STRADA: variants seen among roughly 807,000 people sequenced by gnomAD.
STRADA encodes STE20-related kinase adapter protein alpha.
A neutral mutation model predicts 55.0 loss-of-function variants in STRADA; 26 were observed. The observed-to-expected ratio is 0.47, with a 90% CI of 0.35 to 0.66. The LOEUF is 0.66. Among genes scored for constraint, STRADA ranks in the 30% least tolerant of loss-of-function variants. The probability of loss-of-function intolerance (pLI) is 0.01; values close to 1 mark genes in which losing one functional copy is unlikely to be tolerated. For synonymous variants in STRADA, 197 were observed against 210.9 expected, an observed-to-expected ratio of 0.93 and a Z score of 0.57; for missense variants, 443 against 549.7, an observed-to-expected ratio of 0.81 and a Z score of 1.94.
intron 9 of STRADA, 92 bp from the exon 10 acceptor site, chr17:63,706,831 C>T: frequency 1.0e-6 from 1 of 964,360 alleles, no homozygotes; most frequent in Non-Finnish European, 1.6e-6. Flanking sequence ...GATGGCTGTC[C>T]CCACATCAGG....
chr17:63,705,165 C>G (rs2036000770), intron 10 of STRADA: 3 of 570,396 alleles, frequency 5.3e-6, no homozygotes, highest in African/African-American at 1.9e-5. Context: ...ACCGCATAAG[C>G]TGTCCAAGCC....
chr17:63,703,428 G>T lies in STRADA; in HGVS notation c.*171C>A, dbSNP rs527467939. 19 of 653,198 alleles carry T rather than the reference G, an allele frequency of 2.9e-5. No individual in the cohort carries two copies. The highest frequency in any genetic ancestry group is 4.1e-5 in the Non-Finnish European group (16 of 386,324). 40.5% of individuals were successfully genotyped at this position (653,198 alleles called of 1,614,324 possible). On this transcript the variant is annotated 3_prime_UTR_variant, in exon 13 of 13. Coordinates refer to ENST00000336174, the MANE Select transcript of STRADA (RefSeq NM_001003787.4). ...TGTGTCTCAAAAGCCTTGGAGCAGT[G>T]AAGTGTCTCTCCAGGATTTTCTTTC...
intron 3 of STRADA, chr17:63,723,783 T>C (rs1318820153): frequency 6.5e-6 from 1 of 154,492 alleles, no homozygotes; most frequent in Non-Finnish European, 1.4e-5. Flanking sequence ...AGTTTTAAAA[T>C]AGCAACACGT....
rs1387082356 is a variant in STRADA, at chr17:63,704,396, A to C, written c.1045T>G (p.Ser349Ala). The change falls in exon 11 of 13, where the codon TCC becomes GCC. Residue 349 changes from serine (S) to alanine (A), a missense_variant. By Grantham distance (99) the Ser-to-Ala change is moderately conservative. Transcript: ENST00000336174. Reference sequence around the variant, plus strand: ...TCCACAAAGTGGTGGAAGTGGGGGGAGAAGGTTCGGTGGTAGGGGTGGGAG... The same window carrying C: ...TCCACAAAGTGGTGGAAGTGGGGGGCGAAGGTTCGGTGGTAGGGGTGGGAG... Reference protein sequence around the residue: ...SPSHPYHRTFSPHFHHFVEQC... With the variant: ...SPSHPYHRTFAPHFHHFVEQC... 10 of 1,608,774 alleles carry C rather than the reference A, an allele frequency of 6.2e-6. No individual in the cohort carries two copies. In the Admixed American group the frequency reaches 1.7e-4, roughly 27 times the overall value.
At chr17:63,735,959 C>T (rs1490753126) in intron 1 of STRADA, among the ~76,000 whole-genome samples, 2 of 151,798 alleles carry the variant, frequency 1.3e-5, no homozygotes, top group Non-Finnish European at 2.9e-5. Flanking sequence ...TTTTTTGAGA[C>T]GGAGTCTGGC....
chr17:63,723,448 C>T lies in STRADA; in HGVS notation c.95-122G>A. On this transcript the variant is annotated intron_variant, in intron 3 of 12. Coordinates refer to ENST00000336174, the MANE Select transcript of STRADA (RefSeq NM_001003787.4). ...AATAGAAACCACTTAAAAGTCATTA[C>T]AGCAAAAAGTGCCTGCGGGGCTACA... The T allele has an allele frequency of 2.5e-6, 3 of 1,181,044 alleles. No homozygotes were observed. The South Asian group carries it at 3.8e-5, about 15-fold the overall frequency. The allele number at this position is 1,181,044 out of a possible 1,614,324, so 73.2% of individuals were successfully genotyped here.
Position 63,713,496 on chromosome 17 carries a change from A to G in STRADA, c.258T>C (p.Asn86=). 1.9e-6 allele frequency: 3 copies of G among 1,614,182 alleles called. No individual in the cohort carries two copies. In the South Asian group the frequency reaches 3.3e-5, roughly 18 times the overall value. Residue 86 remains asparagine, a synonymous_variant, in exon 6 of 13, where the codon AAT becomes AAC. Transcript: ENST00000336174. The part of the protein sequence containing the change: ...GKGFEDLMTV[N]LARYKPTGEY... ...CTCCTGTTGGTTTGTACCTTGCTAG[A>G]TTCACAGTCATCAGGTCCTCAAATC... is the stretch of plus-strand genomic sequence containing the variant.
Position 63,706,661 on chromosome 17 carries a change from G to A in STRADA, c.832C>T (p.Pro278Ser), listed in dbSNP as rs980837225. ...TGGGTGGCAGGCATATCCTTAAAGG[G>A]GACATGGCCGTTGGCCAGTTCACAG... ...TACELANGHV[P>S]FKDMPATQML... The change falls in exon 10 of 13, where the codon CCC (proline) becomes TCC (serine). Residue 278 changes from proline to serine, a missense_variant. Pro to Ser is a moderately conservative substitution (Grantham distance 74). Transcript: ENST00000336174. The A allele has an allele frequency of 6.2e-7, 1 of 1,613,942 alleles. No homozygotes were observed. Among genetic ancestry groups the A allele is most frequent in the Non-Finnish European group, 8.5e-7 (1 of 1,179,842 alleles).
At chr17:63,715,871 T>A (rs2036838978) in intron 4 of STRADA, among the ~76,000 whole-genome samples, 1 of 152,208 alleles carries the variant, frequency 6.6e-6, no homozygotes, top group Non-Finnish European at 1.5e-5. Context: ...TCTCAGTTTA[T>A]CCAATTCCAA....
Position 63,703,589 on chromosome 17 carries a change from T to A in STRADA, c.*10A>T. On this transcript the variant is annotated 3_prime_UTR_variant, in exon 13 of 13. Transcript: ENST00000336174. Reference sequence around the variant, plus strand: ...TCCCTGGCTGGAGAATGCGCACAGTTTGCAGAGGCTCAGAACTCCCAATCG... The same window carrying A: ...TCCCTGGCTGGAGAATGCGCACAGTATGCAGAGGCTCAGAACTCCCAATCG... The A allele has an allele frequency of 6.2e-7, 1 of 1,611,940 alleles. No individual in the cohort carries two copies. Among genetic ancestry groups the A allele is most frequent in the Non-Finnish European group, 8.5e-7 (1 of 1,178,856 alleles).
chr17:63,732,389 G>A (rs1408211651), intron 1 of STRADA, among the ~76,000 whole-genome samples: 7 of 152,140 alleles, frequency 4.6e-5, no homozygotes, highest in South Asian at 2.1e-4. Context: ...GTGTAACCAC[G>A]GCTCACTGCA....
chr17:63,711,093 A>C (rs1269167795), intron 6 of STRADA: 1 of 517,494 alleles, frequency 1.9e-6, no homozygotes, highest in Non-Finnish European at 3.5e-6. Flanking sequence ...CGACTCAGAG[A>C]TGATGAAGGC....
In STRADA at chr17:63,738,114, G is replaced by A. The variant is rs368427738; in HGVS notation, c.-45+3627C>T. Among the ~76,000 whole-genome samples, 21 of 151,788 alleles carry A rather than the reference G, an allele frequency of 1.4e-4. 1 individual carries two copies. The highest frequency in any genetic ancestry group is 1.4e-3 in the East Asian group (7 of 5,156). On this transcript the variant is annotated intron_variant, in intron 1 of 12. Coordinates refer to ENST00000336174, the MANE Select transcript of STRADA (RefSeq NM_001003787.4). ...TCCCAGCACCTTGGGAGGCCGAGGC[G>A]GGCAGATCACAAGGTCAGGAGTTCG... is the stretch of plus-strand genomic sequence containing the variant.
At chr17:63,714,219 C>G (rs1415450348) in intron 4 of STRADA, 111 bp from the exon 5 acceptor site, 3 of 737,502 alleles carry the variant, frequency 4.1e-6, no homozygotes, top group Non-Finnish European at 4.8e-6. Context: ...AACACACACA[C>G]AAATCCCGAC....
intron 2 of STRADA, 112 bp downstream of exon 2, chr17:63,728,222 A>T: frequency 1.1e-6 from 1 of 944,078 alleles, no homozygotes; most frequent in Non-Finnish European, 1.6e-6. Context: ...TACATCCCTC[A>T]CTTCCGTATC....
At chr17:63,719,806 T>A (rs2037167327) in intron 4 of STRADA, among the ~76,000 whole-genome samples, 1 of 151,958 alleles carries the variant, frequency 6.6e-6, no homozygotes, top group African/African-American at 2.4e-5. Flanking sequence ...ATTACCTATG[T>A]CCCTCTTCCT....
chr17:63,734,566 G>A (rs994167411), intron 1 of STRADA, among the ~76,000 whole-genome samples: 2 of 152,088 alleles, frequency 1.3e-5, no homozygotes, highest in Admixed American at 1.3e-4. Flanking sequence ...GAACTCGGGA[G>A]GCAGAGGTTG....
In STRADA at chr17:63,703,611, A is replaced by G. The variant is rs746001772; in HGVS notation, c.1284T>C (p.Asp428=). 3.7e-6 allele frequency: 6 copies of G among 1,613,954 alleles called. No individual in the cohort carries two copies. Among genetic ancestry groups the G allele is most frequent in the East Asian group, 2.2e-5 (1 of 44,886 alleles). Residue 428 remains aspartate (D), a synonymous_variant, in exon 13 of 13, where the codon GAT becomes GAC. Coordinates refer to ENST00000336174, the MANE Select transcript of STRADA (RefSeq NM_001003787.4). The part of the protein sequence containing the change: ...VTNLEELEVD[D]WEF ...AGTTTGCAGAGGCTCAGAACTCCCA[A>G]TCGTCCACCTCCAGCTCTTCCAGGT...
At chr17:63,710,442 G>A (rs375532481) in intron 8 of STRADA, 49 bp downstream of exon 8, 14 of 1,609,856 alleles carry the variant, frequency 8.7e-6, no homozygotes, top group Non-Finnish European at 1.0e-5. Flanking sequence ...GAAGGCTCAG[G>A]GGCATAGCTA....
Sources: gnomAD v4.1 joint callset for allele counts (sites outside exome capture counted in the v4.1 genomes callset) on GRCh38, gnomAD v4.1.1 for gene constraint, MANE v1.5 for transcripts, NCBI Gene and HGNC (gene_info 2026-07-23, HGNC 2026-07-21) for gene names.